Variants in RORA observed in about 807,000 individuals in gnomAD.
RORA encodes RAR related orphan receptor A, also known as nuclear receptor ROR-alpha.
Under a neutral mutation model 69.5 loss-of-function variants are expected in RORA, and 7 were observed. The ratio of observed to expected loss-of-function variants is 0.10; its 90% CI spans 0.06 to 0.19. The LOEUF (loss-of-function observed/expected upper bound fraction) is 0.19, where lower values mean the gene tolerates loss of function less well. Among genes scored for constraint, RORA ranks in the 10% least tolerant of loss-of-function variants. RORA has a pLI of 1.00. For synonymous variants in RORA, 261 were observed against 240.8 expected, an observed-to-expected ratio of 1.08 and a Z score of -0.78; for missense variants, 457 against 663.0, an observed-to-expected ratio of 0.69 and a Z score of 3.41.
chr15:61,119,586 G>A (rs1001379722), intron 1 of RORA, among the ~76,000 whole-genome samples: 1 of 151,850 alleles, frequency 6.6e-6, no homozygotes, highest in African/African-American at 2.4e-5. Context: ...TGGGATTGCA[G>A]GCCACCATAA....
intron 3 of RORA, chr15:60,519,943 C>T (rs1271355410): frequency 6.6e-6 from 1 of 152,178 alleles, no homozygotes; most frequent in East Asian, 1.9e-4. Flanking sequence ...ACTCATGAAG[C>T]ATTCCGTATG....
chr15:60,968,667 C>CTTTTTTTTT (rs5813056), intron 1 of RORA, among the ~76,000 whole-genome samples: 1 of 145,644 alleles, frequency 6.9e-6, no homozygotes. Flanking sequence ...CAACATAAAT[C>CTTTTTTTTT]TTTTTTTTTT....
chr15:61,137,051 G>T (rs1013134137), intron 1 of RORA, among the ~76,000 whole-genome samples: 2 of 143,768 alleles, frequency 1.4e-5, no homozygotes, highest in African/African-American at 5.4e-5. Context: ...AAGAAAGAAA[G>T]AAAGAAAGAA....
chr15:60,561,890 C>G (rs1279611633), intron 2 of RORA, among the ~76,000 whole-genome samples: 1 of 151,884 alleles, frequency 6.6e-6, no homozygotes, highest in Admixed American at 6.6e-5. Context: ...CTTCATGTTA[C>G]TGGAATCTGT....
Position 60,521,161 on chromosome 15 carries a change from CTT to C in RORA, c.283-6406_283-6405del, listed in dbSNP as rs566033253. On this transcript the variant is annotated intron_variant, in intron 3 of 10. Transcript: ENST00000335670. ...CCAGAACTATATATCAAACCAGAAACTTTTGGCGATGTCGTCCAGGCATACAT... is the reference window on the plus strand; with the variant it reads ...CCAGAACTATATATCAAACCAGAAACTTGGCGATGTCGTCCAGGCATACAT... 3.3e-5 allele frequency among the ~76,000 whole-genome samples: 5 copies of C among 152,164 alleles called. No homozygotes were observed. The East Asian group carries it at 9.6e-4, about 29-fold the overall frequency.
intron 1 of RORA, among the ~76,000 whole-genome samples, chr15:60,846,833 TATCG>T (rs1206487171): frequency 2.0e-5 from 3 of 152,256 alleles, no homozygotes; most frequent in Non-Finnish European, 4.4e-5. Flanking sequence ...TCTTGTGCAG[TATCG>T]AATATGCTTC....
chr15:60,593,913 C>A (rs2068609888), intron 2 of RORA, among the ~76,000 whole-genome samples: 1 of 152,204 alleles, frequency 6.6e-6, no homozygotes, highest in Non-Finnish European at 1.5e-5. Context: ...CCGTAGAAAA[C>A]AAGGATTCAT....
At chr15:61,053,848 G>GATATATATATATATATATATATATATAT (rs3053963) in intron 1 of RORA, among the ~76,000 whole-genome samples, 2,410 of 90,204 alleles carry the variant, frequency 0.027, 278 homozygotes, top group South Asian at 0.042. Flanking sequence ...TAGACTTCAT[G>GATATATATATATATATATATATATATAT]ATATATATAT....
chr15:61,019,717 C>T (rs1200987047), intron 1 of RORA, among the ~76,000 whole-genome samples: 1 of 152,126 alleles, frequency 6.6e-6, no homozygotes, highest in East Asian at 1.9e-4. Flanking sequence ...CCATGGGTAC[C>T]GTACCTTCAT....
chr15:60,754,632 C>T (rs1567179161), intron 1 of RORA, among the ~76,000 whole-genome samples: 1 of 152,180 alleles, frequency 6.6e-6, no homozygotes, highest in Non-Finnish European at 1.5e-5. Context: ...CTTGAGGATA[C>T]ATGTCCACAA....
At chr15:60,898,500 A>ATAATAAATAAAT (rs1555461058) in intron 1 of RORA, among the ~76,000 whole-genome samples, 10 of 138,046 alleles carry the variant, frequency 7.2e-5, no homozygotes, top group Non-Finnish European at 1.5e-4. Flanking sequence ...ATTGTCTCTA[A>ATAATAAATAAAT]AAATAAATAA....
intron 1 of RORA, among the ~76,000 whole-genome samples, chr15:61,046,579 G>A (rs1439466566): frequency 6.6e-6 from 1 of 152,186 alleles, no homozygotes; most frequent in African/African-American, 2.4e-5. Context: ...TCATGCAAAT[G>A]CAGGGTGATC....
intron 1 of RORA, among the ~76,000 whole-genome samples, chr15:61,210,163 A>G (rs73434701): frequency 6.6e-6 from 1 of 152,210 alleles, no homozygotes; most frequent in South Asian, 2.1e-4. Context: ...GCAGTTAACA[A>G]GGAAGGGCAG....
intron 1 of RORA, among the ~76,000 whole-genome samples, chr15:60,898,511 A>ATAAATAAATAAC (rs1192557868): frequency 1.1e-3 from 155 of 145,144 alleles, no homozygotes; most frequent in Admixed American, 4.6e-3. Flanking sequence ...AAATAAATAA[A>ATAAATAAATAAC]TAAATAAATA....
chr15:60,770,418 C>T (rs920640274), intron 1 of RORA, among the ~76,000 whole-genome samples: 1 of 152,164 alleles, frequency 6.6e-6, no homozygotes, highest in African/African-American at 2.4e-5. Flanking sequence ...TTCAGCTCTA[C>T]ATTAACCAGC....
chr15:61,137,019 AAAAGAAAGAAAG>A (rs551072168), intron 1 of RORA, among the ~76,000 whole-genome samples: 7,638 of 61,104 alleles, frequency 0.12, 482 homozygotes, highest in African/African-American at 0.13. Flanking sequence ...AAATAAATAA[AAAAGAAAGAAAG>A]AAAGAAAGAA....
rs148189472 is a variant in RORA, at chr15:61,180,424, C to T, written c.166+48629G>A. 4.3e-3 allele frequency among the ~76,000 whole-genome samples: 650 copies of T among 152,282 alleles called. 2 individuals carry two copies. Among genetic ancestry groups the T allele is most frequent in the African/African-American group, 0.015 (631 of 41,554 alleles). On this transcript the variant is annotated intron_variant, in intron 1 of 10. Coordinates refer to ENST00000335670, the MANE Select transcript of RORA (RefSeq NM_134261.3). ...ATGCAACATCTTACATGGTTCAGTG[C>T]TTATAACCCTACAAGGTTATAGGGT...
chr15:60,651,482 C>T (rs374756425), intron 2 of RORA, among the ~76,000 whole-genome samples: 2 of 152,284 alleles, frequency 1.3e-5, no homozygotes. Context: ...AAGTTTCCTG[C>T]CGAAGCTGAA....
At chr15:60,981,878 T>C (rs1308006687) in intron 1 of RORA, among the ~76,000 whole-genome samples, 1 of 152,072 alleles carries the variant, frequency 6.6e-6, no homozygotes, top group African/African-American at 2.4e-5. Flanking sequence ...TTTCTTTGCA[T>C]GCTTTGTAAT....
Sources: gnomAD v4.1 joint callset for allele counts (sites outside exome capture counted in the v4.1 genomes callset) on GRCh38, gnomAD v4.1.1 for gene constraint, MANE v1.5 for transcripts, NCBI Gene and HGNC (gene_info 2026-07-23, HGNC 2026-07-21) for gene names.